Variants in ADGRV1 observed in about 807,000 individuals in gnomAD.
The protein encoded by ADGRV1 is adhesion G protein-coupled receptor V1.
Under a neutral mutation model 596.2 loss-of-function variants are expected in ADGRV1, and 359 were observed. The observed-to-expected ratio is 0.60, with a 90% CI of 0.55 to 0.66. The LOEUF (loss-of-function observed/expected upper bound fraction) is 0.66, where lower values mean the gene tolerates loss of function less well. Ranked by LOEUF, ADGRV1 falls within the 30% of genes least tolerant of loss-of-function variation. The probability of loss-of-function intolerance (pLI) is 0.00; values close to 1 mark genes in which losing one functional copy is unlikely to be tolerated. For missense variants in ADGRV1, 7,274 were observed against 7,575.6 expected, an observed-to-expected ratio of 0.96 and a Z score of 1.48; for synonymous variants, 2,681 against 2,679.2, an observed-to-expected ratio of 1.00 and a Z score of -0.02.
At chr5:91,149,831 CA>C (rs59523008) in intron 87 of ADGRV1, among the ~76,000 whole-genome samples, 198 bp from the exon 88 acceptor site, 14 of 85,894 alleles carry the variant, frequency 1.6e-4, no homozygotes, top group East Asian at 1.0e-3. Flanking sequence ...AACTCCAGCT[CA>C]AAAAAAAAAA....
intron 85 of ADGRV1, among the ~76,000 whole-genome samples, chr5:91,000,057 A>G (rs1781732826): frequency 6.6e-6 from 1 of 152,160 alleles, no homozygotes; most frequent in Non-Finnish European, 1.5e-5. Flanking sequence ...GGAAAGCAAA[A>G]ATATACAATA....
At chr5:91,056,714 G>A (rs766473421) in intron 85 of ADGRV1, among the ~76,000 whole-genome samples, 4 of 152,060 alleles carry the variant, frequency 2.6e-5, no homozygotes, top group Non-Finnish European at 4.4e-5. Context: ...CTGCCCACTA[G>A]GCTTCTTATC....
chr5:90,679,470 A>G, intron 25 of ADGRV1, 79 bp from the exon 26 acceptor site: 1 of 887,758 alleles, frequency 1.1e-6, no homozygotes, highest in Non-Finnish European at 1.8e-6. Flanking sequence ...TCTTTGCTTG[A>G]TATGTTTTAA....
chr5:90,746,178 A>G (rs1181593226), intron 52 of ADGRV1, among the ~76,000 whole-genome samples: 1 of 139,936 alleles, frequency 7.1e-6, no homozygotes, highest in South Asian at 2.3e-4. Flanking sequence ...ACATACAAAT[A>G]TATTACTATC....
chr5:90,728,699 T>C lies in ADGRV1; in HGVS notation c.10192T>C (p.Leu3398=). ...VFRWNGGSFV[L]HQKLPVRGVL... is the part of the protein sequence containing the mutation. The stretch of plus-strand genomic sequence containing the variant: ...CAGGTGGAATGGAGGAAGCTTCGTG[T>C]TGCATCAAAAACTCCCTGTCCGAGG... The change falls in exon 49 of 90, where the codon TTG becomes CTG. Residue 3398 remains leucine, a synonymous_variant. Transcript: ENST00000405460. 1 of 1,612,176 alleles carries C rather than the reference T, an allele frequency of 6.2e-7. No individual in the cohort carries two copies. Among genetic ancestry groups the C allele is most frequent in the Non-Finnish European group, 8.5e-7 (1 of 1,178,456 alleles).
chr5:91,135,812 A>G (rs1342693273), intron 87 of ADGRV1, among the ~76,000 whole-genome samples: 2 of 152,200 alleles, frequency 1.3e-5, no homozygotes, highest in Non-Finnish European at 2.9e-5. Context: ...GTAGAGCATA[A>G]TAAGGACTGT....
chr5:90,855,383 T>A (rs1766931508), intron 81 of ADGRV1, among the ~76,000 whole-genome samples: 1 of 152,180 alleles, frequency 6.6e-6, no homozygotes. Context: ...ACAGCCATGT[T>A]GTTCTTGTGT....
At chr5:91,085,803 C>T (rs931086773) in intron 86 of ADGRV1, among the ~76,000 whole-genome samples, 2 of 152,190 alleles carry the variant, frequency 1.3e-5, no homozygotes, top group Non-Finnish European at 2.9e-5. Context: ...AGAGCTTACT[C>T]GTAATGCCGC....
intron 1 of ADGRV1, among the ~76,000 whole-genome samples, chr5:90,596,832 C>A (rs376500948): frequency 9.4e-5 from 14 of 148,814 alleles, no homozygotes; most frequent in African/African-American, 2.5e-4. Context: ...AGGGAGAGGG[C>A]GAGGGAGAGG....
chr5:91,062,057 C>T (rs1463986651), intron 85 of ADGRV1, among the ~76,000 whole-genome samples: 1 of 152,194 alleles, frequency 6.6e-6, no homozygotes, highest in Non-Finnish European at 1.5e-5. Context: ...AAACCTAGAA[C>T]TAGCATGCTA....
intron 16 of ADGRV1, among the ~76,000 whole-genome samples, chr5:90,646,533 A>G (rs921782183): frequency 3.9e-5 from 6 of 152,036 alleles, no homozygotes; most frequent in Non-Finnish European, 8.8e-5. Flanking sequence ...ATACACTATA[A>G]TAACTAATTT....
In ADGRV1 at chr5:90,571,882, CT is replaced by C. The variant is rs199889191; in HGVS notation, c.22+12966del. Reference sequence around the variant, plus strand: ...GTTCACTGATTTCCTGGAGATTCAGCTGTATTTCTTTAATAAATGCTCCTTG... The same window carrying C: ...GTTCACTGATTTCCTGGAGATTCAGCGTATTTCTTTAATAAATGCTCCTTG... On this transcript the variant is annotated intron_variant, in intron 1 of 89. Transcript: ENST00000405460. 2.3e-3 allele frequency among the ~76,000 whole-genome samples: 354 copies of C among 152,222 alleles called. 10 individuals are homozygous for C. The East Asian group carries it at 0.053, about 23-fold the overall frequency.
intron 70 of ADGRV1, among the ~76,000 whole-genome samples, chr5:90,796,285 G>C (rs558208604): frequency 2.6e-5 from 4 of 152,082 alleles, no homozygotes; most frequent in African/African-American, 9.7e-5. Flanking sequence ...GAACATAAAT[G>C]ACCTGATGGA....
rs78128836 is a variant in ADGRV1 at position 90,688,777 on chromosome 5, C to T, written c.6491-1084C>T. On this transcript the variant is annotated intron_variant, in intron 29 of 89. Transcript: ENST00000405460. ...AACACTGGTTTTCTCTGAGTGTACT[C>T]CTCATTTTTGAAAGGGATTCACTTG... is the stretch of plus-strand genomic sequence containing the variant. Among the ~76,000 whole-genome samples, 402 of 152,182 alleles carry T rather than the reference C, an allele frequency of 2.6e-3. 14 individuals are homozygous for T. In the East Asian group the frequency reaches 0.06, roughly 23 times the overall value.
chr5:90,702,158 A>T (rs1193838176), intron 34 of ADGRV1, among the ~76,000 whole-genome samples: 1 of 151,854 alleles, frequency 6.6e-6, no homozygotes, highest in Non-Finnish European at 1.5e-5. Context: ...ATATTGTACA[A>T]TAGAGAGACA....
chr5:91,154,513 A>G (rs1405375445), intron 89 of ADGRV1, among the ~76,000 whole-genome samples: 1 of 152,228 alleles, frequency 6.6e-6, no homozygotes, highest in African/African-American at 2.4e-5. Context: ...AAGCAGATGC[A>G]GGCCGCCTGG....
At chr5:91,019,172 T>G (rs1390251406) in intron 85 of ADGRV1, among the ~76,000 whole-genome samples, 1 of 151,978 alleles carries the variant, frequency 6.6e-6, no homozygotes, top group Non-Finnish European at 1.5e-5. Context: ...TGCCCATGGC[T>G]AGAGCAAAAG....
chr5:90,878,981 T>C (rs1156249641), intron 83 of ADGRV1, among the ~76,000 whole-genome samples: 1 of 152,248 alleles, frequency 6.6e-6, no homozygotes, highest in Non-Finnish European at 1.5e-5. Flanking sequence ...CATTCTTTCC[T>C]GGGATAAGGC....
chr5:90,591,790 AT>A (rs1759539524), intron 1 of ADGRV1, among the ~76,000 whole-genome samples: 3 of 152,244 alleles, frequency 2.0e-5, no homozygotes, highest in Admixed American at 1.3e-4. Context: ...ATAAGAATTA[AT>A]AAGAATAACA....
Sources: gnomAD v4.1 joint callset for allele counts (sites outside exome capture counted in the v4.1 genomes callset) on GRCh38, gnomAD v4.1.1 for gene constraint, MANE v1.5 for transcripts, NCBI Gene and HGNC (gene_info 2026-07-23, HGNC 2026-07-21) for gene names.